The following DCAF4 variants were observed in gnomAD, a reference collection of about 807,000 sequenced individuals.
DCAF4 encodes the protein DDB1 and CUL4 associated factor 4, also known as DDB1- and CUL4-associated factor 4.
A neutral mutation model predicts 60.9 loss-of-function variants in DCAF4; 37 were observed. The observed-to-expected ratio is 0.61, with a 90% CI of 0.47 to 0.80. The LOEUF (loss-of-function observed/expected upper bound fraction) is 0.80, where lower values mean the gene tolerates loss of function less well. Ranked by LOEUF, DCAF4 falls within the 30% of genes least tolerant of loss-of-function variation. The pLI is 0.00. For synonymous variants in DCAF4, 243 were observed against 254.8 expected (o/e 0.95, Z 0.44); for missense variants, 577 against 650.0 (o/e 0.89, Z 1.22).
At chr14:72,942,629 A>G (rs111912665) in intron 5 of DCAF4, 2 of 102,360 alleles carry the variant, frequency 2.0e-5, no homozygotes, top group Non-Finnish European at 4.4e-5. Flanking sequence ...TCTTCCCGGC[A>G]GCCGTATCCT....
At chr14:72,932,597 C>T (rs61447589) in intron 1 of DCAF4, among the ~76,000 whole-genome samples, 4 of 152,222 alleles carry the variant, frequency 2.6e-5, no homozygotes, top group Admixed American at 2.0e-4. Context: ...CAAGCCCAAC[C>T]TTCTGCAACA....
intron 3 of DCAF4, 119 bp downstream of exon 3, chr14:72,940,021 C>T (rs1321533685): frequency 2.4e-5 from 29 of 1,197,314 alleles, no homozygotes; most frequent in South Asian, 2.2e-4. Flanking sequence ...GAGCTGGGTG[C>T]GTCAGGAATG....
At position 72,959,252 on chromosome 14, in the gene DCAF4, A is replaced by G. The variant is rs1287706920; in HGVS notation, c.*447A>G. The G allele has an allele frequency of 5.1e-6, 5 of 987,622 alleles. No individual in the cohort carries two copies. Among genetic ancestry groups the G allele is most frequent in the Non-Finnish European group, 6.0e-6 (5 of 831,608 alleles). 61.2% of individuals were successfully genotyped at this position (987,622 alleles called of 1,614,324 possible). ...CTGCATCCTGCATCTGTACTTGGGG[A>G]AGCCAGCGGAGAGGACGGGGAGGTT... is the stretch of plus-strand genomic sequence containing the variant. On this transcript the variant is annotated 3_prime_UTR_variant, in exon 14 of 14. Coordinates refer to ENST00000358377, the MANE Select transcript of DCAF4 (RefSeq NM_015604.4).
At chr14:72,953,828 G>GTGTGTGTA (rs1382709706) in intron 9 of DCAF4, among the ~76,000 whole-genome samples, 2 of 93,706 alleles carry the variant, frequency 2.1e-5, no homozygotes, top group African/African-American at 8.8e-5. Context: ...GTGTGTGTGT[G>GTGTGTGTA]TATATACACA....
chr14:72,926,615 G>A (rs1373690360), intron 1 of DCAF4, 72 bp downstream of exon 1: 1 of 152,402 alleles, frequency 6.6e-6, no homozygotes, highest in Admixed American at 6.5e-5. Context: ...GCAGAGCTCG[G>A]GGTGGGAGAC....
At position 72,955,520 on chromosome 14, in the gene DCAF4, C is replaced by G. The variant is rs1199510960; in HGVS notation, c.1006-3C>G. 5.6e-6 allele frequency: 9 copies of G among 1,612,936 alleles called. No individual in the cohort carries two copies. The East Asian group carries it at 2.0e-4, about 36-fold the overall frequency. ...AGGCACTGAGCAGTCCCTCTTTCCA[C>G]AGGCTCCTCTGCTGTTTAATGGCTG... On this transcript the variant is annotated splice_region_variant and splice_polypyrimidine_tract_variant and intron_variant, in intron 11 of 13. Transcript: ENST00000358377.
chr14:72,945,499 T>C (rs912342299), intron 6 of DCAF4, among the ~76,000 whole-genome samples: 2 of 151,594 alleles, frequency 1.3e-5, no homozygotes, highest in African/African-American at 4.8e-5. Context: ...ATAGTGCCTA[T>C]GTAATAGGAA....
chr14:72,959,416 C>T lies in DCAF4; in HGVS notation c.*611C>T, dbSNP rs776494041. ...TTGGAAGGAAAGATGGATCTTCTTACATGCTAGAAGTTTTAAACGGTCCTT... is the reference window on the plus strand; with the variant it reads ...TTGGAAGGAAAGATGGATCTTCTTATATGCTAGAAGTTTTAAACGGTCCTT... On this transcript the variant is annotated 3_prime_UTR_variant, in exon 14 of 14. Transcript: ENST00000358377. The T allele has an allele frequency of 7.1e-6, 7 of 985,466 alleles. No individual in the cohort carries two copies. The highest frequency in any genetic ancestry group is 8.4e-6 in the Non-Finnish European group (7 of 829,952). The allele number at this position is 985,466 out of a possible 1,614,324, so 61.0% of individuals were successfully genotyped here.
intron 9 of DCAF4, among the ~76,000 whole-genome samples, chr14:72,953,782 TTGTGTGTGTGTGTGTGTGTG>T (rs149574612): frequency 7.3e-5 from 3 of 41,124 alleles, no homozygotes; most frequent in Admixed American, 3.7e-4. Flanking sequence ...ATTTATTTAT[TTGTGTGTGTGTGTGTGTGTG>T]TGTGTGTGTG....
intron 11 of DCAF4, 32 bp downstream of exon 11, chr14:72,954,515 AGTTTGCCCCAT>A (rs1401175319): frequency 6.2e-7 from 1 of 1,607,936 alleles, no homozygotes; most frequent in Non-Finnish European, 8.5e-7. Flanking sequence ...AGAATATAAA[AGTTTGCCCCAT>A]GTAGAAATTT....
intron 9 of DCAF4, among the ~76,000 whole-genome samples, chr14:72,953,731 AAATATATATATAT>A (rs1157659844): frequency 1.1e-4 from 4 of 36,552 alleles, no homozygotes; most frequent in African/African-American, 5.9e-4. Flanking sequence ...AAAAAAAAAA[AAATATATATATAT>A]ATATATATAT....
Position 72,940,356 on chromosome 14 carries a change from G to A in DCAF4, c.330G>A (p.Gln110=). The change falls in exon 4 of 14, where the codon CAG becomes CAA. Residue 110 remains glutamine (Q), a synonymous_variant. Transcript: ENST00000358377. ...EMESKRLRLL[Q]EEDRRKKIAR... is the part of the protein sequence containing the mutation. ...AGAGCAAGAGACTGCGGCTGCTCCA[G>A]GAAGAAGACAGACGGAAAAAGGTGG... 1.2e-6 allele frequency: 2 copies of A among 1,611,164 alleles called. No homozygotes were observed. The highest frequency in any genetic ancestry group is 1.7e-4 in the Middle Eastern group (1 of 6,050).
downstream of DCAF4, chr14:72,960,451 G>A (rs956188573): frequency 7.8e-5 from 16 of 204,980 alleles, no homozygotes; most frequent in East Asian, 1.9e-4. Flanking sequence ...CACCTGGCCC[G>A]ATTCTTAAAT....
In DCAF4 at chr14:72,956,430, C is replaced by T. The variant is rs563806147; in HGVS notation, c.1224C>T (p.Tyr408=). 1.2e-5 allele frequency: 19 copies of T among 1,613,386 alleles called. No individual in the cohort carries two copies. Among genetic ancestry groups the T allele is most frequent in the East Asian group, 4.5e-5 (2 of 44,844 alleles). The change falls in exon 13 of 14, where the codon TAC becomes TAT. Residue 408 remains tyrosine, a synonymous_variant. Coordinates refer to ENST00000358377, the MANE Select transcript of DCAF4 (RefSeq NM_015604.4). ...GGACCACGAAGTGCGTAAGGCAGTA[C>T]GAAGGCCACGTGAATGAGTACGCCT... ...DLRTTKCVRQ[Y]EGHVNEYAYL...
At chr14:72,950,026 G>C (rs975029232) in intron 8 of DCAF4, among the ~76,000 whole-genome samples, 2 of 152,156 alleles carry the variant, frequency 1.3e-5, no homozygotes, top group African/African-American at 4.8e-5. Flanking sequence ...GGAGGAGTTG[G>C]GAGAAAGCTT....
At chr14:72,929,431 G>A (rs2140176177) in intron 1 of DCAF4, among the ~76,000 whole-genome samples, 1 of 152,362 alleles carries the variant, frequency 6.6e-6, no homozygotes, top group East Asian at 1.9e-4. Context: ...GCCGCGCGTG[G>A]TGGCTCACGC....
At chr14:72,931,621 C>T (rs2140188243) in intron 1 of DCAF4, among the ~76,000 whole-genome samples, 2 of 152,280 alleles carry the variant, frequency 1.3e-5, no homozygotes, top group African/African-American at 4.8e-5. Flanking sequence ...AGAGGGAAAA[C>T]TTTGTCTTTG....
At chr14:72,962,079 A>T (rs1024910312), downstream of DCAF4, 2 of 988,348 alleles carry the variant, frequency 2.0e-6, no homozygotes, top group African/African-American at 1.7e-5. Context: ...ATTTTACATT[A>T]AAAAAATTTG....
chr14:72,951,720 A>T (rs1289367721), intron 8 of DCAF4, 78 bp from the exon 9 acceptor site: 2 of 1,413,608 alleles, frequency 1.4e-6, no homozygotes, highest in Middle Eastern at 1.8e-4. Flanking sequence ...GTGCCGTATG[A>T]CTTTCTGAAG....
Sources: gnomAD v4.1 joint callset for allele counts (sites outside exome capture counted in the v4.1 genomes callset) on GRCh38, gnomAD v4.1.1 for gene constraint, MANE v1.5 for transcripts, NCBI Gene and HGNC (gene_info 2026-07-23, HGNC 2026-07-21) for gene names.